The following NKD1 variants were observed in gnomAD, a reference collection of about 807,000 sequenced individuals.
NKD1 encodes NKD inhibitor of Wnt signaling pathway 1.
In NKD1, 21 loss-of-function variants were observed where a neutral mutation model predicts 56.0. The ratio of observed to expected loss-of-function variants is 0.38; its 90% CI spans 0.27 to 0.54. The LOEUF (loss-of-function observed/expected upper bound fraction) is 0.54, where lower values mean the gene tolerates loss of function less well. Ranked by LOEUF, NKD1 falls within the 20% of genes least tolerant of loss-of-function variation. The pLI, the probability that NKD1 is intolerant of heterozygous loss-of-function variation, is 0.82. For missense variants in NKD1, 578 were observed against 642.7 expected (o/e 0.90, Z 1.09); for synonymous variants, 263 against 265.7 (o/e 0.99, Z 0.10).
chr16:50,583,508 T>C lies in NKD1; in HGVS notation c.193-24786T>C, dbSNP rs1961163383. 2.0e-5 allele frequency among the ~76,000 whole-genome samples: 3 copies of C among 152,110 alleles called. 1 individual carries two copies. The South Asian group carries it at 6.2e-4, about 32-fold the overall frequency. Reference sequence around the variant, plus strand: ...ACAGCAGCCCCAGCCTTCCTCCCCCTGCAACCACACAAGACTCAGGAGCTA... The same window carrying C: ...ACAGCAGCCCCAGCCTTCCTCCCCCCGCAACCACACAAGACTCAGGAGCTA... On this transcript the variant is annotated intron_variant, in intron 3 of 9. Coordinates refer to ENST00000268459, the MANE Select transcript of NKD1 (RefSeq NM_033119.5).
intron 3 of NKD1, among the ~76,000 whole-genome samples, chr16:50,572,554 G>A (rs915189770): frequency 6.6e-6 from 1 of 152,174 alleles, no homozygotes; most frequent in Non-Finnish European, 1.5e-5. Flanking sequence ...ATGGCTGGGG[G>A]TAGTGGAGTT....
chr16:50,550,763 G>A (rs1243114131), intron 3 of NKD1, among the ~76,000 whole-genome samples: 1 of 152,034 alleles, frequency 6.6e-6, no homozygotes, highest in East Asian at 1.9e-4. Context: ...GCCCTTTCTA[G>A]TTTTTGATCT....
intron 3 of NKD1, among the ~76,000 whole-genome samples, chr16:50,559,792 A>T (rs1295458153): frequency 6.6e-6 from 1 of 152,174 alleles, no homozygotes. Flanking sequence ...GGGCTGCCCA[A>T]GCCTTCTGGC....
At position 50,636,061 on chromosome 16, in the gene NKD1, A is replaced by T. The variant is rs1305149739; in HGVS notation, c.*2280A>T. 6.6e-6 allele frequency: 1 copy of T among 152,190 alleles called. No homozygotes were observed. The highest frequency in any genetic ancestry group is 1.5e-5 in the Non-Finnish European group (1 of 68,044). The allele number at this position is 152,190 out of a possible 1,614,324, so 9.4% of individuals were successfully genotyped here. A position where few individuals can be genotyped will look rare whatever the true frequency, so the allele number is the denominator to read the frequency against. ...ACCATAAGAAAAAGGACCTTCCGTT[A>T]GTGTAAAGCCCAAGGCAGGATTCTG... On this transcript the variant is annotated 3_prime_UTR_variant, in exon 10 of 10. Transcript: ENST00000268459.
At chr16:50,626,351 A>T (rs1962213964) in intron 6 of NKD1, among the ~76,000 whole-genome samples, 5 of 152,184 alleles carry the variant, frequency 3.3e-5, no homozygotes, top group Admixed American at 3.3e-4. Flanking sequence ...CAATTGTAGG[A>T]TAACTGTGAG....
At chr16:50,621,193 G>A (rs1440291143) in intron 4 of NKD1, among the ~76,000 whole-genome samples, 1 of 152,268 alleles carries the variant, frequency 6.6e-6, no homozygotes, top group African/African-American at 2.4e-5. Flanking sequence ...CCTTTGAGGA[G>A]GCCAAAATGT....
chr16:50,586,475 G>A lies in NKD1; in HGVS notation c.193-21819G>A, dbSNP rs115848615. Among the ~76,000 whole-genome samples, 916 of 152,168 alleles carry A rather than the reference G, an allele frequency of 6.0e-3. 14 individuals carry two copies. Among genetic ancestry groups the A allele is most frequent in the South Asian group, 0.022 (104 of 4,784 alleles). ...TTACCTGAGGACCACCGTGAGCCACGTGTCTGCAGTCTAGGTTGAGGGAGG... is the reference window on the plus strand; with the variant it reads ...TTACCTGAGGACCACCGTGAGCCACATGTCTGCAGTCTAGGTTGAGGGAGG... On this transcript the variant is annotated intron_variant, in intron 3 of 9. Coordinates refer to ENST00000268459, the MANE Select transcript of NKD1 (RefSeq NM_033119.5).
intron 4 of NKD1, among the ~76,000 whole-genome samples, chr16:50,610,845 G>T (rs1961830837): frequency 6.6e-6 from 1 of 152,250 alleles, no homozygotes; most frequent in South Asian, 2.1e-4. Context: ...GGGCTGCAGA[G>T]CTCCTTTTGA....
chr16:50,603,555 C>T (rs544282157), intron 3 of NKD1, among the ~76,000 whole-genome samples: 8 of 152,232 alleles, frequency 5.3e-5, no homozygotes, highest in African/African-American at 1.7e-4. Flanking sequence ...CTGTGGGCAC[C>T]GGGAGTTTGC....
intron 3 of NKD1, among the ~76,000 whole-genome samples, chr16:50,562,618 A>C (rs1481963080): frequency 6.6e-6 from 1 of 152,106 alleles, no homozygotes; most frequent in Non-Finnish European, 1.5e-5. Context: ...CCTACATCTG[A>C]ATCTCTTGGG....
At chr16:50,582,281 C>T (rs1015453318) in intron 3 of NKD1, among the ~76,000 whole-genome samples, 2 of 152,212 alleles carry the variant, frequency 1.3e-5, no homozygotes, top group African/African-American at 2.4e-5. Context: ...GTCCTCCCTA[C>T]AGCAGTCCCT....
At chr16:50,558,911 A>G (rs1960562547) in intron 3 of NKD1, among the ~76,000 whole-genome samples, 2 of 136,364 alleles carry the variant, frequency 1.5e-5, no homozygotes, top group African/African-American at 5.7e-5. Flanking sequence ...CTCTGTCTCA[A>G]ACAAACAAAC....
At chr16:50,563,056 G>A (rs1173637520) in intron 3 of NKD1, among the ~76,000 whole-genome samples, 1 of 140,678 alleles carries the variant, frequency 7.1e-6, no homozygotes, top group African/African-American at 2.6e-5. Context: ...GTGCTGACCA[G>A]TAGAACTTTC....
intron 6 of NKD1, among the ~76,000 whole-genome samples, chr16:50,628,481 GA>G (rs1342622735): frequency 6.6e-6 from 1 of 152,174 alleles, no homozygotes; most frequent in Non-Finnish European, 1.5e-5. Context: ...GCTTCATAGA[GA>G]AAAAATGTCT....
chr16:50,616,975 C>T (rs888353457), intron 4 of NKD1, among the ~76,000 whole-genome samples: 6 of 152,168 alleles, frequency 3.9e-5, no homozygotes, highest in African/African-American at 1.4e-4. Flanking sequence ...GGAAGAGCCC[C>T]GAGGAGCTCA....
chr16:50,578,164 T>C lies in NKD1; in HGVS notation c.192+28609T>C, dbSNP rs116770964. 4.2e-3 allele frequency among the ~76,000 whole-genome samples: 638 copies of C among 152,248 alleles called. 5 individuals carry two copies. The highest frequency in any genetic ancestry group is 0.015 in the African/African-American group (605 of 41,534). ...TTGTTCATCTGTGAGAGCCTCTGAG[T>C]TCTCTGCTTCTACTTGGTGAAAGGG... On this transcript the variant is annotated intron_variant, in intron 3 of 9. Coordinates refer to ENST00000268459, the MANE Select transcript of NKD1 (RefSeq NM_033119.5).
rs1366965414 is a variant in NKD1, at chr16:50,639,472, G to A, written c.*5691G>A. On this transcript the variant is annotated 3_prime_UTR_variant, in exon 10 of 10. Transcript: ENST00000268459. ...CCTGTGCCTTGGTGCACGTGGGGTG[G>A]AATCCCAGTGGCCCTGCCTTGAGGA... 1 of 152,278 alleles carries A rather than the reference G, an allele frequency of 6.6e-6. No individual in the cohort carries two copies. The highest frequency in any genetic ancestry group is 1.5e-5 in the Non-Finnish European group (1 of 68,050). 9.4% of individuals were successfully genotyped at this position (152,278 alleles called of 1,614,324 possible).
intron 3 of NKD1, among the ~76,000 whole-genome samples, chr16:50,591,921 G>A (rs1596725816): frequency 6.6e-6 from 1 of 152,274 alleles, no homozygotes; most frequent in East Asian, 1.9e-4. Flanking sequence ...AGGCAGGAAA[G>A]CTGTGTGGGC....
In NKD1 at chr16:50,633,921, C is replaced by A; in HGVS notation, c.*140C>A. ...TGTTACTCCACTAATATTTAGCTAGCCTACATGTAGAAGATCTATGGAAAC... is the reference window on the plus strand; with the variant it reads ...TGTTACTCCACTAATATTTAGCTAGACTACATGTAGAAGATCTATGGAAAC... On this transcript the variant is annotated 3_prime_UTR_variant, in exon 10 of 10. Coordinates refer to ENST00000268459, the MANE Select transcript of NKD1 (RefSeq NM_033119.5). This position sits in a 1 kb window ranked among gnomAD's most constrained non-coding sequence, Gnocchi z 4.9. 1.9e-6 allele frequency: 1 copy of A among 528,570 alleles called. No individual in the cohort carries two copies. The highest frequency in any genetic ancestry group is 3.3e-6 in the Non-Finnish European group (1 of 299,050). The allele number at this position is 528,570 out of a possible 1,614,324, so 32.7% of individuals were successfully genotyped here.
Sources: gnomAD v4.1 joint callset for allele counts (sites outside exome capture counted in the v4.1 genomes callset) on GRCh38, gnomAD v4.1.1 for gene constraint, Gnocchi (gnomAD v3.1) non-coding constraint, MANE v1.5 for transcripts, NCBI Gene and HGNC (gene_info 2026-07-23, HGNC 2026-07-21) for gene names.